ATXN2: variants seen among roughly 807,000 people sequenced by gnomAD.
The protein encoded by ATXN2 is ataxin 2.
ATXN2 carries 37 observed loss-of-function variants against 138.6 expected under a neutral mutation model. The ratio of observed to expected loss-of-function variants is 0.27; its 90% confidence interval spans 0.21 to 0.35. The LOEUF (loss-of-function observed/expected upper bound fraction) is 0.35. Ranked by LOEUF, ATXN2 falls within the 10% of genes least tolerant of loss-of-function variation. The probability of loss-of-function intolerance (pLI) is 1.00; values close to 1 mark genes in which losing one functional copy is unlikely to be tolerated. For synonymous variants in ATXN2, 549 were observed against 543.7 expected, an observed-to-expected ratio of 1.01 and a Z score of -0.13; for missense variants, 1,216 against 1,480.3, an observed-to-expected ratio of 0.82 and a Z score of 2.93.
In ATXN2 at chr12:111,513,463, G is replaced by A; in HGVS notation, c.1452C>T (p.Ser484=). Reference sequence around the variant, plus strand: ...TGTGGGATACAAATTCTAGGCCACTGGATATGGAACCCCTCCCAGCAGAAA... The same window carrying A: ...TGTGGGATACAAATTCTAGGCCACTAGATATGGAACCCCTCCCAGCAGAAA... ...HRVSAGRGSI[S]SGLEFVSHNP... is the part of the protein sequence containing the mutation. Residue 484 remains serine (S), a synonymous_variant, in exon 11 of 25, where the codon TCC becomes TCT. Coordinates refer to ENST00000673436, the MANE Select transcript of ATXN2 (RefSeq NM_001372574.1). The A allele has an allele frequency of 6.2e-7, 1 of 1,613,962 alleles. No homozygotes were observed. Among genetic ancestry groups the A allele is most frequent in the South Asian group, 1.1e-5 (1 of 91,054 alleles).
At chr12:111,559,542 G>A (rs1882562702) in intron 1 of ATXN2, among the ~76,000 whole-genome samples, 1 of 151,628 alleles carries the variant, frequency 6.6e-6, no homozygotes, top group South Asian at 2.1e-4. Context: ...GGGAGGCCGA[G>A]GTGGGTGGAT....
At chr12:111,575,047 C>CA (rs1035688083) in intron 1 of ATXN2, among the ~76,000 whole-genome samples, 2 of 152,136 alleles carry the variant, frequency 1.3e-5, no homozygotes, top group African/African-American at 4.8e-5. Context: ...AGAATAAACT[C>CA]ACGGTAGCGT....
At position 111,474,513 on chromosome 12, in the gene ATXN2, G is replaced by C. The variant is rs940332826; in HGVS notation, c.2525-3771C>G. Among the ~76,000 whole-genome samples, 10 of 152,172 alleles carry C rather than the reference G, an allele frequency of 6.6e-5. 1 individual carries two copies. Among genetic ancestry groups the C allele is most frequent in the Admixed American group, 5.9e-4 (9 of 15,272 alleles). On this transcript the variant is annotated intron_variant, in intron 18 of 24. Transcript: ENST00000673436. Reference sequence around the variant, plus strand: ...ACAGTTACTTGAGAGGCTGAGGAGGGAGGATCCTTTGAGACCAGGAATTCG... The same window carrying C: ...ACAGTTACTTGAGAGGCTGAGGAGGCAGGATCCTTTGAGACCAGGAATTCG...
chr12:111,592,656 G>A (rs185458838), intron 1 of ATXN2, among the ~76,000 whole-genome samples: 15 of 150,280 alleles, frequency 1.0e-4, no homozygotes, highest in East Asian at 2.0e-4. Flanking sequence ...GGTGGTGTGC[G>A]CATGTAGACC....
chr12:111,554,120 C>T (rs1882266404), intron 3 of ATXN2, 38 bp downstream of exon 3: 1 of 1,321,120 alleles, frequency 7.6e-7, no homozygotes, highest in Non-Finnish European at 1.0e-6. Context: ...TTTATTCTAC[C>T]CCCAAGGCAG....
intron 23 of ATXN2, chr12:111,454,049 T>C (rs1874878821): frequency 1.9e-6 from 1 of 532,652 alleles, no homozygotes; most frequent in East Asian, 3.4e-5. Context: ...CCTGCAAGGG[T>C]CAGGGAGCAG....
At chr12:111,592,055 C>A (rs1439167475) in intron 1 of ATXN2, among the ~76,000 whole-genome samples, 1 of 146,004 alleles carries the variant, frequency 6.8e-6, no homozygotes, top group African/African-American at 2.6e-5. Context: ...GCACTCCAGC[C>A]TGGGAAAGAG....
chr12:111,512,622 T>A (rs1294276016), intron 11 of ATXN2: 1 of 151,864 alleles, frequency 6.6e-6, no homozygotes, highest in Non-Finnish European at 1.5e-5. Context: ...GCCCGGCTAA[T>A]TTTTTTTGTA....
chr12:111,596,926 T>G (rs112802979), intron 1 of ATXN2, among the ~76,000 whole-genome samples: 3 of 149,718 alleles, frequency 2.0e-5, no homozygotes, highest in African/African-American at 7.7e-5. Flanking sequence ...AGTTTTAATG[T>G]TTATATATTT....
At position 111,516,301 on chromosome 12, in the gene ATXN2, C is replaced by T; in HGVS notation, c.1228G>A (p.Gly410Ser). 6.3e-7 allele frequency: 1 copy of T among 1,583,376 alleles called. No homozygotes were observed. The highest frequency in any genetic ancestry group is 1.9e-5 in the Admixed American group (1 of 52,010). ...SSRPPSRYQS[G>S]PNSLPPRAAT... ...GCCCGAGGTGGAAGAGAGTTGGGACCTGACTGGTAGCGAGAAGGTGGGCGA... is the reference window on the plus strand; with the variant it reads ...GCCCGAGGTGGAAGAGAGTTGGGACTTGACTGGTAGCGAGAAGGTGGGCGA... Residue 410 changes from glycine to serine, a missense_variant, in exon 10 of 25, where the codon GGT becomes AGT. By Grantham distance (56) the Gly-to-Ser change is moderately conservative. Transcript: ENST00000673436. The surrounding 1 kb of genome is among the most constrained non-coding windows in gnomAD (Gnocchi z 5.0).
chr12:111,488,967 C>G (rs1877830186), intron 14 of ATXN2, among the ~76,000 whole-genome samples, 187 bp from the exon 15 acceptor site: 1 of 152,156 alleles, frequency 6.6e-6, no homozygotes, highest in African/African-American at 2.4e-5. Context: ...AGCACAACCA[C>G]AGTCACCAAA....
upstream of ATXN2, chr12:111,599,327 G>A (rs1417848473): frequency 6.8e-6 from 8 of 1,173,978 alleles, 1 homozygote; most frequent in South Asian, 1.2e-4. Flanking sequence ...CCGGGAGGGA[G>A]GGGGGCCGGG....
intron 1 of ATXN2, among the ~76,000 whole-genome samples, chr12:111,560,424 A>C (rs1882618728): frequency 6.6e-6 from 1 of 152,158 alleles, no homozygotes. Flanking sequence ...GGGTCCTGGG[A>C]CCAATCCCCC....
intron 21 of ATXN2, among the ~76,000 whole-genome samples, chr12:111,462,629 T>C (rs1204068504): frequency 3.9e-5 from 6 of 152,222 alleles, no homozygotes; most frequent in Non-Finnish European, 1.5e-5. Context: ...GCCCAACTGT[T>C]AGTTTCTTTT....
At position 111,552,223 on chromosome 12, in the gene ATXN2, T is replaced by C; in HGVS notation, c.571+57A>G. On this transcript the variant is annotated intron_variant, in intron 5 of 24. Transcript: ENST00000673436. This position sits in a 1 kb window ranked among gnomAD's most constrained non-coding sequence, Gnocchi z 4.1. ...AAAGTTTGTAAGATCACTGTGAAAA[T>C]CTTTGCTTGAATAAATCTAATAAAC... 6.7e-7 allele frequency: 1 copy of C among 1,496,688 alleles called. No individual in the cohort carries two copies. Among genetic ancestry groups the C allele is most frequent in the Non-Finnish European group, 8.9e-7 (1 of 1,120,880 alleles). 92.7% of individuals were successfully genotyped at this position (1,496,688 alleles called of 1,614,324 possible).
intron 1 of ATXN2, among the ~76,000 whole-genome samples, chr12:111,576,730 C>T (rs571452875): frequency 1.3e-5 from 2 of 151,402 alleles, no homozygotes; most frequent in Non-Finnish European, 2.9e-5. Flanking sequence ...GAGGCCGAGG[C>T]GGGCGGATCA....
At chr12:111,487,335 A>G (rs536627626) in intron 15 of ATXN2, among the ~76,000 whole-genome samples, 53 of 152,190 alleles carry the variant, frequency 3.5e-4, no homozygotes, top group African/African-American at 1.3e-3. Context: ...AGCCTCCCAA[A>G]GTGCTGGGAT....
intron 12 of ATXN2, among the ~76,000 whole-genome samples, 191 bp downstream of exon 12, chr12:111,510,190 GTTAA>G (rs1276460984): frequency 6.6e-6 from 1 of 152,118 alleles, no homozygotes; most frequent in African/African-American, 2.4e-5. Context: ...ACCCAGGAAT[GTTAA>G]CCTTTGTAAC....
chr12:111,464,258 G>C (rs1307220271), intron 21 of ATXN2, among the ~76,000 whole-genome samples: 1 of 149,394 alleles, frequency 6.7e-6, no homozygotes, highest in Non-Finnish European at 1.5e-5. Flanking sequence ...GTGTGTGTGT[G>C]TGTGTGTGTG....
Sources: allele counts gnomAD v4.1 joint callset (sites outside exome capture counted in the v4.1 genomes callset), GRCh38; gene constraint gnomAD v4.1.1; non-coding constraint Gnocchi (gnomAD v3.1); transcripts MANE v1.5; gene names NCBI Gene and HGNC (gene_info 2026-07-23, HGNC 2026-07-21).